RICTOR: variants seen among roughly 807,000 people sequenced by gnomAD.
RICTOR encodes the protein RPTOR independent companion of MTOR complex 2.
RICTOR carries 49 observed loss-of-function variants against 214.9 expected under a neutral mutation model. The ratio of observed to expected loss-of-function variants is 0.23; its 90% CI spans 0.18 to 0.29. The LOEUF is 0.29. Ranked by LOEUF, RICTOR falls within the 10% of genes least tolerant of loss-of-function variation. The probability of loss-of-function intolerance (pLI) is 1.00; values close to 1 mark genes in which losing one functional copy is unlikely to be tolerated. For synonymous variants in RICTOR, 717 were observed against 711.3 expected (o/e 1.01, Z -0.13); for missense variants, 1,625 against 2,047.0 (o/e 0.79, Z 3.98).
intron 16 of RICTOR, among the ~76,000 whole-genome samples, chr5:38,964,076 A>G (rs1342707063): frequency 6.6e-6 from 1 of 151,874 alleles, no homozygotes; most frequent in Non-Finnish European, 1.5e-5. Flanking sequence ...ACTCCATTTC[A>G]CTAACATCAA....
At chr5:39,064,233 G>A (rs1758747866) in intron 2 of RICTOR, among the ~76,000 whole-genome samples, 1 of 152,092 alleles carries the variant, frequency 6.6e-6, no homozygotes, top group African/African-American at 2.4e-5. Flanking sequence ...CCTGGCCACT[G>A]TAACAAAAAA....
chr5:38,942,741 T>C (rs2112783317), intron 37 of RICTOR, 92 bp downstream of exon 37: 2 of 1,043,354 alleles, frequency 1.9e-6, no homozygotes, highest in Non-Finnish European at 2.9e-6. Flanking sequence ...TAGGCATGAG[T>C]CACCACACCC....
At chr5:38,999,043 A>AAAAAAAAAAAAAAAAAAC (rs1561514547) in intron 5 of RICTOR, among the ~76,000 whole-genome samples, 3 of 143,032 alleles carry the variant, frequency 2.1e-5, no homozygotes, top group Non-Finnish European at 3.0e-5. Context: ...AAAAAAAAAA[A>AAAAAAAAAAAAAAAAAAC]AAAAAAAACA....
chr5:39,047,522 G>C (rs1317278790), intron 2 of RICTOR, among the ~76,000 whole-genome samples: 2 of 152,172 alleles, frequency 1.3e-5, no homozygotes, highest in African/African-American at 4.8e-5. Context: ...CCCTGCTTTA[G>C]TTCATGTATT....
chr5:38,962,867 T>C lies in RICTOR; in HGVS notation c.1566+9A>G, dbSNP rs558130390. On this transcript the variant is annotated intron_variant, in intron 17 of 37. Transcript: ENST00000357387. ...GTTTAAGATGAAAATCATGATTTCA[T>C]GTCAGCACCTTAAGGATAAATATAT... is the stretch of plus-strand genomic sequence containing the variant. 24 of 1,606,418 alleles carry C rather than the reference T, an allele frequency of 1.5e-5. No homozygotes were observed. The South Asian group carries it at 2.4e-4, about 16-fold the overall frequency.
Position 38,940,154 on chromosome 5 carries a change from A to C in RICTOR, c.*2150T>G, listed in dbSNP as rs201172969. The C allele has an allele frequency of 0.016, 3,519 of 221,138 alleles. 79 individuals carry two copies. The highest frequency in any genetic ancestry group is 0.055 in the African/African-American group (2,273 of 41,392). The allele number at this position is 221,138 out of a possible 1,614,324, so 13.7% of individuals were successfully genotyped here. A position where few individuals can be genotyped will look rare whatever the true frequency, so the allele number is the denominator to read the frequency against. On this transcript the variant is annotated 3_prime_UTR_variant, in exon 38 of 38. Transcript: ENST00000357387. The stretch of plus-strand genomic sequence containing the variant: ...GTAAAAAAAAAAAACAAAAAAAAAA[A>C]CACAAAACATTCAGGCCAATACTAA...
chr5:39,050,885 G>A (rs1408892725), intron 2 of RICTOR, among the ~76,000 whole-genome samples: 2 of 152,084 alleles, frequency 1.3e-5, no homozygotes, highest in Non-Finnish European at 2.9e-5. Context: ...CTCGAATTAT[G>A]TGTATGTTTG....
chr5:38,964,506 G>A (rs1214309101), intron 16 of RICTOR, among the ~76,000 whole-genome samples: 1 of 151,736 alleles, frequency 6.6e-6, no homozygotes, highest in African/African-American at 2.4e-5. Flanking sequence ...ACATAAAGGA[G>A]TCCAAAAACC....
intron 11 of RICTOR, chr5:38,971,418 G>A (rs1561477318): frequency 1.3e-5 from 2 of 151,468 alleles, no homozygotes; most frequent in East Asian, 1.9e-4. Context: ...TGTCACCCAG[G>A]CTGGAGTGCA....
rs1375045906 is a variant in RICTOR, at chr5:39,074,321, G to T, written c.49+8C>A. 1 of 1,546,842 alleles carries T rather than the reference G, an allele frequency of 6.5e-7. No individual in the cohort carries two copies. Among genetic ancestry groups the T allele is most frequent in the Middle Eastern group, 1.7e-4 (1 of 5,976 alleles). ...GGCGGTGGGGAGTGAGGGTTGCAGC[G>T]GGCTTACCTCGTACTCGGAGGTTCT... On this transcript the variant is annotated splice_region_variant and intron_variant, in intron 1 of 37. Transcript: ENST00000357387.
chr5:39,010,225 C>A (rs998787643), intron 3 of RICTOR, among the ~76,000 whole-genome samples: 1 of 152,178 alleles, frequency 6.6e-6, no homozygotes, highest in Non-Finnish European at 1.5e-5. Context: ...CTTTTCTAGG[C>A]ACTCATTTTC....
chr5:38,938,048 AT>A lies in RICTOR; in HGVS notation c.*4255del, dbSNP rs1384381530. 2.0e-5 allele frequency: 4 copies of A among 204,174 alleles called. No individual in the cohort carries two copies. The highest frequency in any genetic ancestry group is 4.0e-5 in the Non-Finnish European group (4 of 99,528). The allele number at this position is 204,174 out of a possible 1,614,324, so 12.6% of individuals were successfully genotyped here. A position where few individuals can be genotyped will look rare whatever the true frequency, so the allele number is the denominator to read the frequency against. On this transcript the variant is annotated 3_prime_UTR_variant, in exon 38 of 38. Transcript: ENST00000357387. ...AAACAAGAAAATCACAACAAAAAAA[AT>A]CAAGGTGAGCAAAACCATTTGGGGA...
At chr5:38,946,831 A>G (rs927912100) in intron 32 of RICTOR, among the ~76,000 whole-genome samples, 1 of 152,184 alleles carries the variant, frequency 6.6e-6, no homozygotes, top group Non-Finnish European at 1.5e-5. Context: ...TATACCATCT[A>G]GAGATCTGTG....
At position 38,959,260 on chromosome 5, in the gene RICTOR, A is replaced by G; in HGVS notation, c.2113T>C (p.Leu705=). ...DHLLKLTVSS[L]DYSRDGLARV... Reference sequence around the variant, plus strand: ...GCCAATCCATCTCTGCTATAGTCCAAGCTAGAAACAGTAAGTTTTAGCAAG... The same window carrying G: ...GCCAATCCATCTCTGCTATAGTCCAGGCTAGAAACAGTAAGTTTTAGCAAG... Residue 705 remains leucine, a synonymous_variant, in exon 22 of 38, where the codon TTG becomes CTG. Coordinates refer to ENST00000357387, the MANE Select transcript of RICTOR (RefSeq NM_152756.5). 6.2e-7 allele frequency: 1 copy of G among 1,600,698 alleles called. No homozygotes were observed. Among genetic ancestry groups the G allele is most frequent in the Non-Finnish European group, 8.5e-7 (1 of 1,172,180 alleles).
chr5:38,969,241 G>T lies in RICTOR; in HGVS notation c.973-1211C>A, dbSNP rs370659604. Among the ~76,000 whole-genome samples the T allele has an allele frequency of 1.1e-4, 16 of 151,658 alleles. No homozygotes were observed. The East Asian group carries it at 2.9e-3, about 28-fold the overall frequency. On this transcript the variant is annotated intron_variant, in intron 11 of 37. Transcript: ENST00000357387. ...CCCGCCTTGGCCTCCCAAAGTGCTG[G>T]GATTACAGGTGTGAGCCACCGCACC...
chr5:38,962,396 C>T, intron 18 of RICTOR, 35 bp from the exon 19 acceptor site: 1 of 1,169,180 alleles, frequency 8.6e-7, no homozygotes, highest in African/African-American at 1.6e-5. Flanking sequence ...TACATATGTA[C>T]TTATCAATTC....
intron 2 of RICTOR, among the ~76,000 whole-genome samples, chr5:39,035,782 A>C (rs1267846423): frequency 1.3e-5 from 2 of 152,124 alleles, no homozygotes; most frequent in Non-Finnish European, 2.9e-5. Context: ...AATAAAAAGA[A>C]ACAAACAAAG....
At chr5:38,993,261 T>C (rs974191830) in intron 6 of RICTOR, among the ~76,000 whole-genome samples, 1 of 152,168 alleles carries the variant, frequency 6.6e-6, no homozygotes, top group African/African-American at 2.4e-5. Flanking sequence ...TGAATCTCTT[T>C]CAAATGTAAA....
chr5:38,972,388 G>A (rs1750860149), intron 10 of RICTOR, among the ~76,000 whole-genome samples: 1 of 152,234 alleles, frequency 6.6e-6, no homozygotes, highest in Non-Finnish European at 1.5e-5. Context: ...ATAAGTAATA[G>A]ACTTCAAATA....
Sources: allele counts gnomAD v4.1 joint callset (sites outside exome capture counted in the v4.1 genomes callset), GRCh38; gene constraint gnomAD v4.1.1; transcripts MANE v1.5; gene names NCBI Gene and HGNC (gene_info 2026-07-23, HGNC 2026-07-21).